ABLIM1: variants seen among roughly 807,000 people sequenced by gnomAD.
ABLIM1 encodes actin-binding LIM protein 1.
Under a neutral mutation model 107.0 loss-of-function variants are expected in ABLIM1, and 40 were observed. The ratio of observed to expected loss-of-function variants is 0.37; its 90% confidence interval spans 0.29 to 0.49. The LOEUF is 0.49. ABLIM1 is among the 20% of genes least tolerant of loss of function. The pLI is 0.97. For missense variants in ABLIM1, 857 were observed against 1,008.5 expected (o/e 0.85, Z 2.04); for synonymous variants, 357 against 357.3 (o/e 1.00, Z 0.01).
rs569382352 is a variant in ABLIM1 at position 114,470,865 on chromosome 10, G to A, written c.1275+2112C>T. ...GGTTTTTCTTTTTTTCTTTTTTTGT[G>A]GTGGTGGTTTTTGTTTTGTTTGCTT... On this transcript the variant is annotated intron_variant, in intron 10 of 22. Transcript: ENST00000533213. Among the ~76,000 whole-genome samples, 19 of 151,048 alleles carry A rather than the reference G, an allele frequency of 1.3e-4. 1 individual carries two copies. In the Middle Eastern group the frequency reaches 0.017, roughly 135 times the overall value.
chr10:114,468,920 C>T (rs542018440), intron 10 of ABLIM1, among the ~76,000 whole-genome samples: 69 of 151,984 alleles, frequency 4.5e-4, no homozygotes, highest in African/African-American at 9.4e-4. Context: ...GGCGCGGTGG[C>T]GGGCGCCTGT....
At position 114,473,114 on chromosome 10, in the gene ABLIM1, T is replaced by C. The variant is rs1267625424; in HGVS notation, c.1138A>G (p.Ile380Val). ...GCTGCTAAATCCTTGTAATCCAGGA[T>C]CTCATTGTCTACTTTTGCCTGGCAA... ...HTIYAKVDNE[I>V]LDYKDLAAIP... Residue 380 changes from isoleucine (I) to valine (V), a missense_variant, in exon 10 of 23, where the codon ATC (isoleucine) becomes GTC (valine). Coordinates refer to ENST00000533213, the MANE Select transcript of ABLIM1 (RefSeq NM_002313.7). 3 of 1,610,556 alleles carry C rather than the reference T, an allele frequency of 1.9e-6. No individual in the cohort carries two copies. The East Asian group carries it at 6.7e-5, about 36-fold the overall frequency.
At chr10:114,550,142 T>G (rs987754499) in intron 4 of ABLIM1, among the ~76,000 whole-genome samples, 1 of 152,164 alleles carries the variant, frequency 6.6e-6, no homozygotes, top group Non-Finnish European at 1.5e-5. Flanking sequence ...AGTACACATA[T>G]GAGTGTGTAT....
At chr10:114,476,603 C>T (rs2056454552) in intron 8 of ABLIM1, among the ~76,000 whole-genome samples, 1 of 151,170 alleles carries the variant, frequency 6.6e-6, no homozygotes, top group African/African-American at 2.4e-5. Flanking sequence ...GAGATTGTGC[C>T]ACTGCACTCC....
intron 12 of ABLIM1, chr10:114,463,055 G>A: frequency 7.5e-7 from 1 of 1,339,832 alleles, no homozygotes; most frequent in East Asian, 4.7e-5. Flanking sequence ...CTTTGATATG[G>A]GGAATGAAGT....
chr10:114,500,417 A>G (rs2060231383), intron 6 of ABLIM1, among the ~76,000 whole-genome samples: 1 of 152,084 alleles, frequency 6.6e-6, no homozygotes, highest in African/African-American at 2.4e-5. Flanking sequence ...AAAACCTACT[A>G]TGGCCAAAGT....
chr10:114,516,043 T>C (rs1430869572), intron 6 of ABLIM1, among the ~76,000 whole-genome samples: 2 of 152,132 alleles, frequency 1.3e-5, no homozygotes, highest in Non-Finnish European at 2.9e-5. Context: ...TGAGTTTCTG[T>C]CCCTTGCGAC....
intron 8 of ABLIM1, among the ~76,000 whole-genome samples, chr10:114,474,444 G>A (rs979493918): frequency 4.7e-5 from 7 of 150,300 alleles, no homozygotes; most frequent in Non-Finnish European, 7.4e-5. Context: ...GCAGTGGTGC[G>A]ATCTTGGCTC....
intron 6 of ABLIM1, among the ~76,000 whole-genome samples, chr10:114,531,188 C>G (rs571136098): frequency 6.6e-6 from 1 of 152,326 alleles, no homozygotes; most frequent in East Asian, 1.9e-4. Context: ...CTCCTTCATT[C>G]AAACAGGAAG....
intron 7 of ABLIM1, among the ~76,000 whole-genome samples, chr10:114,490,784 A>G (rs1188756215): frequency 6.6e-6 from 1 of 150,978 alleles, no homozygotes; most frequent in Non-Finnish European, 1.5e-5. Context: ...TCATATATAT[A>G]TGGTCCTTTA....
chr10:114,731,714 A>T (rs2082078039), intron 1 of ABLIM1, among the ~76,000 whole-genome samples: 1 of 151,964 alleles, frequency 6.6e-6, no homozygotes, highest in Non-Finnish European at 1.5e-5. Flanking sequence ...GGTTCAAGCG[A>T]TTCTCCTGCC....
At chr10:114,533,985 A>G (rs1435967090) in intron 6 of ABLIM1, among the ~76,000 whole-genome samples, 1 of 152,120 alleles carries the variant, frequency 6.6e-6, no homozygotes, top group Non-Finnish European at 1.5e-5. Flanking sequence ...GCCCTGGATT[A>G]CCTTGTGCAC....
chr10:114,769,486 A>G (rs1431439376), upstream of ABLIM1, among the ~76,000 whole-genome samples: 59 of 148,324 alleles, frequency 4.0e-4, no homozygotes, highest in South Asian at 8.6e-4. Context: ...AAAGAGAAAG[A>G]AAGAAAGGGA....
chr10:114,566,153 A>G (rs2070717551), intron 4 of ABLIM1, among the ~76,000 whole-genome samples: 1 of 152,140 alleles, frequency 6.6e-6, no homozygotes. Flanking sequence ...AGGAGTTCCA[A>G]TTGCAGTTAG....
chr10:114,553,535 G>A (rs2068344643), intron 4 of ABLIM1, among the ~76,000 whole-genome samples: 1 of 152,180 alleles, frequency 6.6e-6, no homozygotes. Context: ...GGAAAACAGA[G>A]AGCTGAGAGT....
At chr10:114,790,116 A>G in the ABLIM1 span, among the ~76,000 whole-genome samples, 8 of 152,118 alleles carry the variant, frequency 5.3e-5, no homozygotes, top group African/African-American at 1.9e-4. Context: ...TATTCTGGAT[A>G]TTTGACCTTT....
chr10:114,445,729 G>C (rs2060917831), intron 15 of ABLIM1, among the ~76,000 whole-genome samples: 1 of 152,098 alleles, frequency 6.6e-6, no homozygotes, highest in South Asian at 2.1e-4. Context: ...TAAATGGAAG[G>C]GCATCTCCAG....
intron 1 of ABLIM1, among the ~76,000 whole-genome samples, chr10:114,699,491 T>C (rs1397496541): frequency 6.6e-6 from 1 of 152,144 alleles, no homozygotes; most frequent in African/African-American, 2.4e-5. Flanking sequence ...GTAAGGTGTC[T>C]TCTGACAGCA....
rs7906164 is a variant in ABLIM1 at position 114,433,072 on chromosome 10, T to G, written c.*3188A>C. On this transcript the variant is annotated 3_prime_UTR_variant, in exon 23 of 23. Transcript: ENST00000533213. ...AGGCCCCTTTTACTTCATGCCATCATTATGCACTTAAGAGTCCCAAGGAAG... is the reference window on the plus strand; with the variant it reads ...AGGCCCCTTTTACTTCATGCCATCAGTATGCACTTAAGAGTCCCAAGGAAG... 0.93 allele frequency: 141,256 copies of G among 152,220 alleles called. 65,594 individuals carry two copies. The highest frequency in any genetic ancestry group is 1 in the East Asian group (5,160 of 5,160). 9.4% of individuals were successfully genotyped at this position (152,220 alleles called of 1,614,324 possible).
Sources: allele counts gnomAD v4.1 joint callset (sites outside exome capture counted in the v4.1 genomes callset), GRCh38; gene constraint gnomAD v4.1.1; transcripts MANE v1.5; gene names NCBI Gene and HGNC (gene_info 2026-07-23, HGNC 2026-07-21).